JAML: variants seen among roughly 807,000 people sequenced by gnomAD.
JAML encodes junctional adhesion molecule-like.
JAML carries 25 observed loss-of-function variants against 39.3 expected under a neutral mutation model. The observed-to-expected ratio is 0.64, with a 90% CI of 0.46 to 0.89. The LOEUF is 0.89. JAML is among the 40% of genes least tolerant of loss of function. The probability of loss-of-function intolerance (pLI) is 0.00; values close to 1 mark genes in which losing one functional copy is unlikely to be tolerated. For missense variants in JAML, 440 were observed against 486.9 expected (o/e 0.90, Z 0.91); for synonymous variants, 162 against 179.2 (o/e 0.90, Z 0.77).
intron 7 of JAML, among the ~76,000 whole-genome samples, chr11:118,199,378 A>G (rs148135985): frequency 6.6e-6 from 1 of 152,276 alleles, no homozygotes; most frequent in East Asian, 1.9e-4. Flanking sequence ...TCAAAACCAA[A>G]TCAGGAAGCC....
chr11:118,213,906 C>T (rs1949106271), intron 2 of JAML, among the ~76,000 whole-genome samples: 2 of 152,144 alleles, frequency 1.3e-5, no homozygotes. Flanking sequence ...CATTATAACC[C>T]TGCTTCTTTG....
intron 9 of JAML, among the ~76,000 whole-genome samples, chr11:118,196,268 T>C (rs1948652987): frequency 6.6e-6 from 1 of 151,782 alleles, no homozygotes; most frequent in African/African-American, 2.4e-5. Context: ...GCTGGGATTA[T>C]AGGCACGCAT....
Position 118,206,235 on chromosome 11 carries a change from C to T in JAML, c.425-244G>A, listed in dbSNP as rs76440289. On this transcript the variant is annotated intron_variant, in intron 4 of 9. Coordinates refer to ENST00000356289, the MANE Select transcript of JAML (RefSeq NM_001098526.2). Reference sequence around the variant, plus strand: ...CAGCATCATCCCCAAGATGAGAATACCCTCTAGCTGCCCACATGTACCAAG... The same window carrying T: ...CAGCATCATCCCCAAGATGAGAATATCCTCTAGCTGCCCACATGTACCAAG... Among the ~76,000 whole-genome samples the T allele has an allele frequency of 2.5e-4, 38 of 152,292 alleles. 1 individual carries two copies. The East Asian group carries it at 6.9e-3, about 28-fold the overall frequency.
chr11:118,212,370 G>A (rs1428116934), intron 3 of JAML, 37 bp downstream of exon 3: 1 of 1,605,792 alleles, frequency 6.2e-7, no homozygotes, highest in Non-Finnish European at 8.5e-7. Flanking sequence ...CAGCAGTCAG[G>A]GGCTTCTATT....
chr11:118,213,699 A>G (rs996567728), intron 2 of JAML, among the ~76,000 whole-genome samples: 5 of 152,216 alleles, frequency 3.3e-5, no homozygotes, highest in Non-Finnish European at 5.9e-5. Context: ...TTGAAGGGCA[A>G]TCTTGGTAGA....
chr11:118,200,458 G>T lies in JAML; in HGVS notation c.911+16C>A. 1.2e-6 allele frequency: 2 copies of T among 1,613,452 alleles called. No individual in the cohort carries two copies. Among genetic ancestry groups the T allele is most frequent in the South Asian group, 2.2e-5 (2 of 91,060 alleles). ...CCCCCAGCCTCCCAATCCAAGGGGT[G>T]GGGGTAGCCCTGTACCTCTTATTTC... is the stretch of plus-strand genomic sequence containing the variant. On this transcript the variant is annotated intron_variant, in intron 7 of 9. Transcript: ENST00000356289.
intron 3 of JAML, among the ~76,000 whole-genome samples, chr11:118,211,601 G>A (rs1001591233): frequency 3.3e-5 from 5 of 152,078 alleles, no homozygotes; most frequent in Non-Finnish European, 7.4e-5. Flanking sequence ...AAAAATAAAG[G>A]CCAATAAAAA....
intron 4 of JAML, chr11:118,209,191 TA>T: frequency 3.8e-6 from 1 of 262,986 alleles, no homozygotes; most frequent in Non-Finnish European, 7.6e-6. Flanking sequence ...TCCTTTCAAC[TA>T]ATACCCAGTC....
Position 118,203,496 on chromosome 11 carries a change from C to T in JAML, c.704G>A (p.Ser235Asn), listed in dbSNP as rs769511354. 1.2e-5 allele frequency: 19 copies of T among 1,614,082 alleles called. No homozygotes were observed. The highest frequency in any genetic ancestry group is 1.6e-5 in the Non-Finnish European group (19 of 1,180,036). Residue 235 changes from serine to asparagine, a missense_variant, in exon 6 of 10, where the codon AGT becomes AAT. Physicochemically the swap from Ser to Asn is conservative, Grantham distance 46. Coordinates refer to ENST00000356289, the MANE Select transcript of JAML (RefSeq NM_001098526.2). ...GAACACCAGGTTCCCTAGGTGGATA[C>T]TGCAGGTGTAGTTTCCTCCATCTGA... ...RESDGGNYTC[S>N]IHLGNLVFKK...
intron 1 of JAML, among the ~76,000 whole-genome samples, chr11:118,219,754 ACCTCTCCCCTACTCTGTC>A (rs1949189514): frequency 6.6e-6 from 1 of 151,998 alleles, no homozygotes; most frequent in Non-Finnish European, 1.5e-5. Context: ...TTGCTTGGGG[ACCTCTCCCCTACTCTGTC>A]CCTTGCCTCT....
rs970513877 is a variant in JAML at position 118,212,567 on chromosome 11, G to A, written c.44-6C>T. The A allele has an allele frequency of 1.2e-6, 2 of 1,613,412 alleles. No individual in the cohort carries two copies. Among genetic ancestry groups the A allele is most frequent in the African/African-American group, 2.7e-5 (2 of 74,924 alleles). On this transcript the variant is annotated splice_polypyrimidine_tract_variant and splice_region_variant and intron_variant, in intron 2 of 9. Coordinates refer to ENST00000356289, the MANE Select transcript of JAML (RefSeq NM_001098526.2). Reference sequence around the variant, plus strand: ...ATTCAGGCCCAAGGAATAATCTATAGAAGTCAAAGGCAAGAGGACACATCA... The same window carrying A: ...ATTCAGGCCCAAGGAATAATCTATAAAAGTCAAAGGCAAGAGGACACATCA...
intron 4 of JAML, among the ~76,000 whole-genome samples, chr11:118,207,433 A>C (rs1948940852): frequency 6.6e-6 from 1 of 152,230 alleles, no homozygotes; most frequent in African/African-American, 2.4e-5. Context: ...GGAAAGCCCG[A>C]GTTTTCTCAC....
chr11:118,212,522 G>C lies in JAML; in HGVS notation c.83C>G (p.Pro28Arg), dbSNP rs1262673893. 10 of 1,614,024 alleles carry C rather than the reference G, an allele frequency of 6.2e-6. No individual in the cohort carries two copies. The highest frequency in any genetic ancestry group is 8.5e-6 in the Non-Finnish European group (10 of 1,180,036). Residue 28 changes from proline (P) to arginine (R), a missense_variant, in exon 3 of 10, where the codon CCT (proline) becomes CGT (arginine). Coordinates refer to ENST00000356289, the MANE Select transcript of JAML (RefSeq NM_001098526.2). ...ATCACCCACATGGACTGTTAGCTCA[G>C]GCGGGGAAACATTCAAGTCATTCAG... The part of the protein sequence containing the change: ...LGLNDLNVSP[P>R]ELTVHVGDSA...
At chr11:118,204,866 G>C (rs1353234463) in intron 5 of JAML, 1 of 152,038 alleles carries the variant, frequency 6.6e-6, no homozygotes, top group East Asian at 1.9e-4. Context: ...ATTAAAAAAA[G>C]CCATGTAGAT....
chr11:118,206,888 T>C (rs141707375), intron 4 of JAML, among the ~76,000 whole-genome samples: 1 of 152,314 alleles, frequency 6.6e-6, no homozygotes, highest in Non-Finnish European at 1.5e-5. Context: ...GATTAAGCAA[T>C]GAAAGGCAGG....
At chr11:118,224,757 C>T (rs868722286) in intron 1 of JAML, among the ~76,000 whole-genome samples, 184 bp downstream of exon 1, 6 of 152,158 alleles carry the variant, frequency 3.9e-5, no homozygotes, top group East Asian at 1.9e-4. Context: ...TTACTCTACA[C>T]GACAGTAACT....
intron 9 of JAML, among the ~76,000 whole-genome samples, chr11:118,195,723 A>G (rs924811486): frequency 2.0e-5 from 3 of 152,314 alleles, no homozygotes; most frequent in African/African-American, 4.8e-5. Flanking sequence ...AAGAAACAAA[A>G]TCTAAGCATT....
intron 1 of JAML, among the ~76,000 whole-genome samples, chr11:118,215,116 A>G (rs1439520095): frequency 1.3e-5 from 2 of 152,222 alleles, no homozygotes; most frequent in Non-Finnish European, 2.9e-5. Flanking sequence ...CCAGATGTCA[A>G]TAAGTGCTAT....
chr11:118,221,160 C>A (rs1949206074), intron 1 of JAML, among the ~76,000 whole-genome samples: 1 of 152,080 alleles, frequency 6.6e-6, no homozygotes, highest in African/African-American at 2.4e-5. Context: ...ACTGAGTACA[C>A]CATTAAAAGG....
Sources: allele counts gnomAD v4.1 joint callset (sites outside exome capture counted in the v4.1 genomes callset), GRCh38; gene constraint gnomAD v4.1.1; transcripts MANE v1.5; gene names NCBI Gene and HGNC (gene_info 2026-07-23, HGNC 2026-07-21).